The following SLURP2 variants were observed in gnomAD, a reference collection of about 807,000 sequenced individuals.
SLURP2 encodes the protein secreted LY6/PLAUR domain containing 2.
Under a neutral mutation model 9.8 loss-of-function variants are expected in SLURP2, and 4 were observed. That is an observed-to-expected ratio of 0.41 (90% CI 0.20 to 0.94). SLURP2 has a LOEUF of 0.94. Among genes scored for constraint, SLURP2 ranks in the 40% least tolerant of loss-of-function variants. The pLI, the probability that SLURP2 is intolerant of heterozygous loss-of-function variation, is 0.32. For missense variants in SLURP2, 118 were observed against 126.4 expected, an observed-to-expected ratio of 0.93 and a Z score of 0.32; for synonymous variants, 58 against 56.2, an observed-to-expected ratio of 1.03 and a Z score of -0.15.
In SLURP2 at chr8:142,764,422, C is replaced by A. The variant is rs768812777; in HGVS notation, c.*183G>T. 20 of 718,976 alleles carry A rather than the reference C, an allele frequency of 2.8e-5. No individual in the cohort carries two copies. Among genetic ancestry groups the A allele is most frequent in the South Asian group, 2.8e-4 (18 of 65,066 alleles). The allele number at this position is 718,976 out of a possible 1,614,324, so 44.5% of individuals were successfully genotyped here. A position where few individuals can be genotyped will look rare whatever the true frequency, so the allele number is the denominator to read the frequency against. Reference sequence around the variant, plus strand: ...AGGCACGATGGGCCCCAGGCTTGGACGGCAGCAGATTGAGGCAAGACTCCA... The same window carrying A: ...AGGCACGATGGGCCCCAGGCTTGGAAGGCAGCAGATTGAGGCAAGACTCCA... On this transcript the variant is annotated 3_prime_UTR_variant, in exon 3 of 3. Transcript: ENST00000317543.
rs370771557 is a variant in SLURP2 at position 142,769,824 on chromosome 8, G to A, written c.-18C>T. 1.1e-4 allele frequency: 181 copies of A among 1,581,996 alleles called. No homozygotes were observed. The highest frequency in any genetic ancestry group is 1.4e-4 in the Non-Finnish European group (166 of 1,166,652). Reference sequence around the variant, plus strand: ...AGCTGCATGTTCTCCTGGTGAGGTCGGGCTGTCGGCGCCCTGGCCGGCTGC... The same window carrying A: ...AGCTGCATGTTCTCCTGGTGAGGTCAGGCTGTCGGCGCCCTGGCCGGCTGC... On this transcript the variant is annotated 5_prime_UTR_variant, in exon 1 of 3. Coordinates refer to ENST00000317543, the MANE Select transcript of SLURP2 (RefSeq NM_177458.3).
At chr8:142,766,733 C>T (rs943140607) in intron 1 of SLURP2, among the ~76,000 whole-genome samples, 2 of 152,248 alleles carry the variant, frequency 1.3e-5, no homozygotes, top group Admixed American at 6.5e-5. Context: ...TCCCTGTCCT[C>T]ACCCTTGGTT....
Position 142,769,822 on chromosome 8 carries a change from T to C in SLURP2, c.-16A>G, listed in dbSNP as rs770025607. On this transcript the variant is annotated 5_prime_UTR_variant, in exon 1 of 3. Transcript: ENST00000317543. ...CGAGCTGCATGTTCTCCTGGTGAGG[T>C]CGGGCTGTCGGCGCCCTGGCCGGCT... 1 of 1,582,310 alleles carries C rather than the reference T, an allele frequency of 6.3e-7. No individual in the cohort carries two copies. The highest frequency in any genetic ancestry group is 8.6e-7 in the Non-Finnish European group (1 of 1,166,712).
rs1444533482 is a variant in SLURP2 at position 142,764,453 on chromosome 8, G to A, written c.*152C>T. 1 of 847,246 alleles carries A rather than the reference G, an allele frequency of 1.2e-6. No individual in the cohort carries two copies. The highest frequency in any genetic ancestry group is 1.9e-6 in the Non-Finnish European group (1 of 518,422). 52.5% of individuals were successfully genotyped at this position (847,246 alleles called of 1,614,324 possible). ...CAGATTGAGGCAAGACTCCACGCAG[G>A]ACTTCCCTAGGACAAGCGGTGCTGG... is the stretch of plus-strand genomic sequence containing the variant. On this transcript the variant is annotated 3_prime_UTR_variant, in exon 3 of 3. Coordinates refer to ENST00000317543, the MANE Select transcript of SLURP2 (RefSeq NM_177458.3).
chr8:142,769,630 G>A, intron 1 of SLURP2, 125 bp downstream of exon 1: 1 of 814,322 alleles, frequency 1.2e-6, no homozygotes, highest in South Asian at 1.7e-5. Flanking sequence ...GCACCTGGTA[G>A]ATGGTGGGGG....
chr8:142,767,347 C>T (rs1194661515), intron 1 of SLURP2, among the ~76,000 whole-genome samples: 1 of 152,238 alleles, frequency 6.6e-6, no homozygotes, highest in Non-Finnish European at 1.5e-5. Context: ...ACCAAAGTGG[C>T]TTGAAGCTCC....
chr8:142,766,026 T>G (rs587743730), intron 1 of SLURP2: 1 of 151,668 alleles, frequency 6.6e-6, no homozygotes, highest in South Asian at 2.1e-4. Flanking sequence ...GAAACTCAGT[T>G]GTATGTAAGA....
chr8:142,766,458 C>G (rs1307880002), intron 1 of SLURP2: 3 of 152,256 alleles, frequency 2.0e-5, no homozygotes, highest in Non-Finnish European at 4.4e-5. Context: ...CTTAAAACAT[C>G]CCGCTACAGT....
At chr8:142,765,213 C>T (rs1488497907) in intron 1 of SLURP2, 73 bp from the exon 2 acceptor site, 13 of 1,158,764 alleles carry the variant, frequency 1.1e-5, no homozygotes, top group Middle Eastern at 2.6e-4. Flanking sequence ...AGTGACGGCA[C>T]GCACTCATCT....
intron 1 of SLURP2, among the ~76,000 whole-genome samples, chr8:142,765,829 G>A: frequency 6.6e-6 from 1 of 152,236 alleles, no homozygotes; most frequent in Non-Finnish European, 1.5e-5. Context: ...TGGGCATGGT[G>A]GCGTGTGCCT....
chr8:142,768,938 C>T lies in SLURP2; in HGVS notation c.52+817G>A, dbSNP rs1050949892. Among the ~76,000 whole-genome samples the T allele has an allele frequency of 6.6e-6, 1 of 152,146 alleles. No individual in the cohort carries two copies. Among genetic ancestry groups the T allele is most frequent in the Non-Finnish European group, 1.5e-5 (1 of 68,016 alleles). ...AGGTCGTTCAACCCACAGCCAGGGA[C>T]GCAGAGGCTTGGCCCCTGGGGGGCT... is the stretch of plus-strand genomic sequence containing the variant. On this transcript the variant is annotated intron_variant, in intron 1 of 2. Transcript: ENST00000317543. The surrounding 1 kb of genome is among the most constrained non-coding windows in gnomAD (Gnocchi z 4.8).
At chr8:142,769,452 G>C (rs78208566) in intron 1 of SLURP2, among the ~76,000 whole-genome samples, 1 of 151,140 alleles carries the variant, frequency 6.6e-6, no homozygotes, top group African/African-American at 2.4e-5. Context: ...ACGAAGGTGC[G>C]TGTGTGAGGG....
At position 142,764,680 on chromosome 8, in the gene SLURP2, G is replaced by C; in HGVS notation, c.219C>G (p.Pro73=). 1 of 1,612,458 alleles carries C rather than the reference G, an allele frequency of 6.2e-7. No individual in the cohort carries two copies. The highest frequency in any genetic ancestry group is 8.5e-7 in the Non-Finnish European group (1 of 1,179,450). ...LVTKMCHIGC[P]DIPSLGLGPY... ...GGCCCAGGCCCAGGCTGGGGATATC[G>C]GGGCAGCCTATGTGGCACATCTTGG... Residue 73 remains proline, a synonymous_variant, in exon 3 of 3, where the codon CCC becomes CCG. Transcript: ENST00000317543.
intron 1 of SLURP2, 110 bp downstream of exon 1, chr8:142,769,645 G>C (rs1399843234): frequency 1.1e-6 from 1 of 952,232 alleles, no homozygotes; most frequent in Non-Finnish European, 1.6e-6. Context: ...TGGGGGGACA[G>C]GAATGGGTTC....
intron 1 of SLURP2, among the ~76,000 whole-genome samples, chr8:142,769,448 G>A (rs1815104293): frequency 6.6e-6 from 1 of 151,350 alleles, no homozygotes; most frequent in Non-Finnish European, 1.5e-5. Context: ...GTGCACGAAG[G>A]TGCGTGTGTG....
chr8:142,769,778 G>T lies in SLURP2; in HGVS notation c.29C>A (p.Ala10Asp). The T allele has an allele frequency of 6.2e-7, 1 of 1,601,420 alleles. No individual in the cohort carries two copies. The highest frequency in any genetic ancestry group is 8.5e-7 in the Non-Finnish European group (1 of 1,175,972). ...ACCCAGCTGCAGGCTCAGGACGGCG[G>T]CCAGCAGGAGCCCAGTGCCGAGCTG... The part of the protein sequence containing the change: MQLGTGLLL[A>D]AVLSLQLAAA... Residue 10 changes from alanine (A) to aspartate (D), a missense_variant, in exon 1 of 3, where the codon GCC becomes GAC. Coordinates refer to ENST00000317543, the MANE Select transcript of SLURP2 (RefSeq NM_177458.3).
In SLURP2 at chr8:142,769,820, G is replaced by T; in HGVS notation, c.-14C>A. ...GCCGAGCTGCATGTTCTCCTGGTGA[G>T]GTCGGGCTGTCGGCGCCCTGGCCGG... On this transcript the variant is annotated 5_prime_UTR_variant, in exon 1 of 3. Transcript: ENST00000317543. 1 of 1,586,646 alleles carries T rather than the reference G, an allele frequency of 6.3e-7. No individual in the cohort carries two copies.
intron 1 of SLURP2, 97 bp from the exon 2 acceptor site, chr8:142,765,237 C>T (rs1237748020): frequency 6.5e-6 from 6 of 920,704 alleles, no homozygotes; most frequent in Non-Finnish European, 1.0e-5. Context: ...CCCAGCAGCC[C>T]ATGCTCCTTC....
Position 142,769,800 on chromosome 8 carries a change from G to T in SLURP2, c.7C>A (p.Leu3Ile). MQ[L>I]GTGLLLAAVL... ...GCGGCCAGCAGGAGCCCAGTGCCGA[G>T]CTGCATGTTCTCCTGGTGAGGTCGG... Residue 3 changes from leucine to isoleucine, a missense_variant, in exon 1 of 3, where the codon CTC becomes ATC. Transcript: ENST00000317543. The T allele has an allele frequency of 6.3e-7, 1 of 1,596,858 alleles. No individual in the cohort carries two copies. Among genetic ancestry groups the T allele is most frequent in the Non-Finnish European group, 8.5e-7 (1 of 1,174,050 alleles).
Sources: gnomAD v4.1 joint callset for allele counts (sites outside exome capture counted in the v4.1 genomes callset) on GRCh38, gnomAD v4.1.1 for gene constraint, Gnocchi (gnomAD v3.1) non-coding constraint, MANE v1.5 for transcripts, NCBI Gene and HGNC (gene_info 2026-07-23, HGNC 2026-07-21) for gene names.